The following HNMT variants were observed in gnomAD, a reference collection of about 807,000 sequenced individuals.
HNMT encodes histamine N-methyltransferase.
HNMT carries 30 observed loss-of-function variants against 32.1 expected under a neutral mutation model. The observed-to-expected ratio is 0.93, with a 90% CI of 0.70 to 1.27. The LOEUF (loss-of-function observed/expected upper bound fraction) is 1.27, where lower values mean the gene tolerates loss of function less well. HNMT is among the 50% of genes most tolerant of loss of function. The pLI is 0.00. For missense variants in HNMT, 327 were observed against 346.0 expected, an observed-to-expected ratio of 0.95 and a Z score of 0.43; for synonymous variants, 125 against 119.0, an observed-to-expected ratio of 1.05 and a Z score of -0.33.
rs1681157025 is a variant in HNMT, at chr2:138,001,066, A to G, written c.298+41A>G. On this transcript the variant is annotated intron_variant, in intron 3 of 5. Coordinates refer to ENST00000280097, the MANE Select transcript of HNMT (RefSeq NM_006895.3). ...GGTCCTCTACACCAGATCCTATCCC[A>G]AAAGACTTAACTCAAATTGTTCCCT... 5 of 1,002,186 alleles carry G rather than the reference A, an allele frequency of 5.0e-6. No individual in the cohort carries two copies. The East Asian group carries it at 1.3e-4, about 26-fold the overall frequency. 62.1% of individuals were successfully genotyped at this position (1,002,186 alleles called of 1,614,324 possible).
chr2:137,976,733 G>A (rs935902894), intron 2 of HNMT, among the ~76,000 whole-genome samples: 1 of 152,088 alleles, frequency 6.6e-6, no homozygotes, highest in Non-Finnish European at 1.5e-5. Flanking sequence ...CATAAACACA[G>A]TTATAGTTTG....
At chr2:137,977,926 A>G (rs3100698) in intron 2 of HNMT, among the ~76,000 whole-genome samples, 146,862 of 151,900 alleles carry the variant, frequency 0.97, 71,183 homozygotes, top group East Asian at 1. Context: ...TTGCCTCCCC[A>G]CCCCCCATCT....
intron 2 of HNMT, among the ~76,000 whole-genome samples, chr2:138,000,519 T>G (rs1681134688): frequency 6.6e-6 from 1 of 152,118 alleles, no homozygotes; most frequent in Non-Finnish European, 1.5e-5. Context: ...GAGGTGCATT[T>G]TTTTTTCGTA....
At chr2:137,966,043 G>GT (rs1211547166) in intron 1 of HNMT, among the ~76,000 whole-genome samples, 11 of 152,092 alleles carry the variant, frequency 7.2e-5, no homozygotes, top group Admixed American at 7.2e-4. Context: ...TTTCCTGAAG[G>GT]TAATGTTTGA....
chr2:138,001,767 A>T (rs1681180592), intron 3 of HNMT, among the ~76,000 whole-genome samples: 1 of 152,108 alleles, frequency 6.6e-6, no homozygotes, highest in South Asian at 2.1e-4. Context: ...TTTCCAATTC[A>T]CTTTCCATTG....
intron 2 of HNMT, among the ~76,000 whole-genome samples, chr2:137,970,812 C>T (rs1270691767): frequency 6.7e-6 from 1 of 149,146 alleles, no homozygotes; most frequent in African/African-American, 2.5e-5. Flanking sequence ...CCCAGCTACT[C>T]GGGAGGCTGA....
intron 5 of HNMT, 143 bp from the exon 6 acceptor site, chr2:138,013,632 C>G (rs1236179364): frequency 1.6e-6 from 1 of 607,652 alleles, no homozygotes; most frequent in East Asian, 2.8e-5. Context: ...ATTTTTCTCT[C>G]TCCTCCTGTA....
intron 5 of HNMT, 86 bp from the exon 6 acceptor site, chr2:138,013,689 C>T: frequency 1.1e-6 from 1 of 932,192 alleles, no homozygotes; most frequent in Non-Finnish European, 1.6e-6. Context: ...TTATTTTGTT[C>T]TATTCTAAGC....
chr2:137,996,152 T>C (rs999245538), intron 2 of HNMT, among the ~76,000 whole-genome samples: 1 of 152,212 alleles, frequency 6.6e-6, no homozygotes, highest in African/African-American at 2.4e-5. Flanking sequence ...TTCAACATAG[T>C]ATTGGAAGTT....
chr2:137,990,493 T>C (rs2104956624), intron 2 of HNMT, among the ~76,000 whole-genome samples: 1 of 152,302 alleles, frequency 6.6e-6, no homozygotes, highest in East Asian at 1.9e-4. Flanking sequence ...TATAGCTTTA[T>C]AGTAAGTCTT....
intron 4 of HNMT, among the ~76,000 whole-genome samples, chr2:138,004,092 G>A (rs1387860844): frequency 6.6e-6 from 1 of 150,662 alleles, no homozygotes; most frequent in Non-Finnish European, 1.5e-5. Context: ...CAACCTCACT[G>A]TCAATTCAGA....
chr2:137,987,607 T>G (rs1680686981), intron 2 of HNMT, among the ~76,000 whole-genome samples: 1 of 145,420 alleles, frequency 6.9e-6, no homozygotes, highest in Middle Eastern at 3.2e-3. Context: ...GCCACTTTTT[T>G]TTTTTTTTTT....
chr2:137,967,856 A>G (rs1366249860), intron 1 of HNMT, among the ~76,000 whole-genome samples: 1 of 152,172 alleles, frequency 6.6e-6, no homozygotes, highest in Non-Finnish European at 1.5e-5. Flanking sequence ...CTTATTCATT[A>G]CAAAATGTTC....
rs1396697218 is a variant in HNMT at position 138,010,474 on chromosome 2, CACACACACAG to C, written c.524-3300_524-3291del. On this transcript the variant is annotated intron_variant, in intron 5 of 5. Coordinates refer to ENST00000280097, the MANE Select transcript of HNMT (RefSeq NM_006895.3). The stretch of plus-strand genomic sequence containing the variant: ...ACACACACACACACACACACACACA[CACACACACAG>C]CAAATGGAAGCAGCCAGACAAAAGC... Among the ~76,000 whole-genome samples the C allele has an allele frequency of 6.6e-4, 96 of 144,652 alleles. No individual in the cohort carries two copies. The East Asian group carries it at 6.9e-3, about 10-fold the overall frequency. The allele number at this position is 144,652 out of a possible 152,430, so 94.9% of individuals were successfully genotyped here. A position where few individuals can be genotyped will look rare whatever the true frequency, so the allele number is the denominator to read the frequency against.
At chr2:137,996,634 C>T (rs928846540) in intron 2 of HNMT, among the ~76,000 whole-genome samples, 2 of 152,186 alleles carry the variant, frequency 1.3e-5, no homozygotes, top group African/African-American at 4.8e-5. Flanking sequence ...TCCCATCAAA[C>T]TACCATCGAC....
chr2:137,993,541 C>T (rs1680891069), intron 2 of HNMT, among the ~76,000 whole-genome samples: 1 of 152,050 alleles, frequency 6.6e-6, no homozygotes, highest in Non-Finnish European at 1.5e-5. Flanking sequence ...GAAGACCAAA[C>T]CTACAATTGA....
At chr2:137,987,803 TGAA>T (rs1680693832) in intron 2 of HNMT, among the ~76,000 whole-genome samples, 1 of 152,246 alleles carries the variant, frequency 6.6e-6, no homozygotes, top group East Asian at 1.9e-4. Flanking sequence ...ATCATATAAA[TGAA>T]GAAGAGCAAT....
intron 1 of HNMT, among the ~76,000 whole-genome samples, chr2:137,964,860 T>G (rs1679907454): frequency 6.6e-6 from 1 of 152,188 alleles, no homozygotes; most frequent in African/African-American, 2.4e-5. Context: ...TATTTCCAGC[T>G]GCATAGAGAT....
chr2:138,011,368 T>C (rs1474249840), intron 5 of HNMT, among the ~76,000 whole-genome samples: 1 of 152,138 alleles, frequency 6.6e-6, no homozygotes, highest in Non-Finnish European at 1.5e-5. Context: ...TCATTTATTT[T>C]CATTGAACAG....
Sources: allele counts gnomAD v4.1 joint callset (sites outside exome capture counted in the v4.1 genomes callset), GRCh38; gene constraint gnomAD v4.1.1; transcripts MANE v1.5; gene names NCBI Gene and HGNC (gene_info 2026-07-23, HGNC 2026-07-21).